The following EYS variants were observed in gnomAD, a reference collection of about 807,000 sequenced individuals.
The protein encoded by EYS is EGF-like photoreceptor maintenance factor.
In EYS, 250 loss-of-function variants were observed where a neutral mutation model predicts 282.1. The observed-to-expected ratio is 0.89, with a 90% confidence interval of 0.80 to 0.98. EYS has a LOEUF of 0.98. Among genes scored for constraint, EYS ranks in the 50% least tolerant of loss-of-function variants. The probability of loss-of-function intolerance (pLI) is 0.00; values close to 1 mark genes in which losing one functional copy is unlikely to be tolerated. For synonymous variants in EYS, 1,355 were observed against 1,282.9 expected, an observed-to-expected ratio of 1.06 and a Z score of -1.20; for missense variants, 4,016 against 3,709.0, an observed-to-expected ratio of 1.08 and a Z score of -2.15.
intron 30 of EYS, among the ~76,000 whole-genome samples, chr6:64,287,216 C>CA (rs1203210581): frequency 6.6e-6 from 1 of 151,716 alleles, no homozygotes; most frequent in East Asian, 1.9e-4. Flanking sequence ...CAATAACAGC[C>CA]AAAAAAGACA....
At chr6:64,594,936 C>T (rs998032737) in intron 24 of EYS, among the ~76,000 whole-genome samples, 15 of 151,950 alleles carry the variant, frequency 9.9e-5, no homozygotes, top group African/African-American at 3.6e-4. Context: ...GGAAATTCTT[C>T]CTTACTCATT....
In EYS at chr6:65,339,492, G is replaced by T. The variant is rs150442412; in HGVS notation, c.1600-4346C>A. 1.3e-4 allele frequency among the ~76,000 whole-genome samples: 20 copies of T among 151,176 alleles called. No homozygotes were observed. The East Asian group carries it at 3.3e-3, about 25-fold the overall frequency. On this transcript the variant is annotated intron_variant, in intron 10 of 42. Coordinates refer to ENST00000503581, the MANE Select transcript of EYS (RefSeq NM_001142800.2). ...AATTGTTATATTTTTATTAGTAATT[G>T]TTGTTAATCTCTTTTTGTGCCTGAT...
At position 64,393,764 on chromosome 6, in the gene EYS, G is replaced by A. The variant is rs926148488; in HGVS notation, c.5928-4924C>T. 2.0e-5 allele frequency among the ~76,000 whole-genome samples: 3 copies of A among 151,610 alleles called. No individual in the cohort carries two copies. The East Asian group carries it at 5.8e-4, about 29-fold the overall frequency. ...TCTCACCACTCCTATTCAACATAGTGTTGGAAGTTCTGGCCAGGGCAATTA... is the reference window on the plus strand; with the variant it reads ...TCTCACCACTCCTATTCAACATAGTATTGGAAGTTCTGGCCAGGGCAATTA... On this transcript the variant is annotated intron_variant, in intron 28 of 42. Coordinates refer to ENST00000503581, the MANE Select transcript of EYS (RefSeq NM_001142800.2).
At chr6:64,554,123 G>A (rs1765171681) in intron 26 of EYS, among the ~76,000 whole-genome samples, 1 of 152,014 alleles carries the variant, frequency 6.6e-6, no homozygotes, top group Non-Finnish European at 1.5e-5. Context: ...TATATTGAAA[G>A]GTGCTTAGTG....
In EYS at chr6:64,066,488, T is replaced by C. The variant is rs750904267; in HGVS notation, c.6575A>G (p.Asn2192Ser). Residue 2192 changes from asparagine to serine, a missense_variant, in exon 33 of 43, where the codon AAT (asparagine) becomes AGT (serine). By Grantham distance (46) the Asn-to-Ser change is conservative (BLOSUM62 1). Coordinates refer to ENST00000503581, the MANE Select transcript of EYS (RefSeq NM_001142800.2). The part of the protein sequence containing the change: ...NSLNGTILYS[N>S]GNNCGKQFLH... ...AAACTGCTTTCCACAATTATTCCCA[T>C]TACCTTTAAGAAAAAAAGAATATAT... is the stretch of plus-strand genomic sequence containing the variant. 17 of 1,524,210 alleles carry C rather than the reference T, an allele frequency of 1.1e-5. No homozygotes were observed. The East Asian group carries it at 4.2e-4, about 37-fold the overall frequency. The allele number at this position is 1,524,210 out of a possible 1,614,324, so 94.4% of individuals were successfully genotyped here.
chr6:64,169,312 G>T (rs1764401898), intron 31 of EYS, among the ~76,000 whole-genome samples: 1 of 152,138 alleles, frequency 6.6e-6, no homozygotes, highest in Non-Finnish European at 1.5e-5. Flanking sequence ...ACAGGAGGTA[G>T]CAGAAGGCCT....
chr6:64,030,944 C>T (rs1056826363), intron 33 of EYS, among the ~76,000 whole-genome samples: 15 of 152,334 alleles, frequency 9.8e-5, no homozygotes, highest in South Asian at 6.2e-4. Context: ...GAGCGGTCAT[C>T]GGCCAAATTC....
intron 22 of EYS, among the ~76,000 whole-genome samples, chr6:64,665,714 C>T (rs922488722): frequency 1.3e-5 from 2 of 152,090 alleles, no homozygotes; most frequent in Non-Finnish European, 2.9e-5. Flanking sequence ...TCCAAGACCC[C>T]CTCCCGCTTT....
Position 64,257,658 on chromosome 6 carries a change from A to G in EYS, c.6192-26834T>C, listed in dbSNP as rs76688533. 6.1e-3 allele frequency among the ~76,000 whole-genome samples: 932 copies of G among 152,124 alleles called. 7 individuals are homozygous for G. The highest frequency in any genetic ancestry group is 0.029 in the East Asian group (150 of 5,160). On this transcript the variant is annotated intron_variant, in intron 30 of 42. Coordinates refer to ENST00000503581, the MANE Select transcript of EYS (RefSeq NM_001142800.2). ...TTTAGTTCATTGGATGAAATTATGT[A>G]TACTATGTCCTTTCCCCAACACCAA...
At chr6:64,899,364 A>G in intron 18 of EYS, among the ~76,000 whole-genome samples, 1 of 151,978 alleles carries the variant, frequency 6.6e-6, no homozygotes, top group Middle Eastern at 3.2e-3. Context: ...TGGGTAAATA[A>G]CAAAATCAGG....
At chr6:65,442,468 G>T (rs897485985) in intron 5 of EYS, among the ~76,000 whole-genome samples, 3 of 151,774 alleles carry the variant, frequency 2.0e-5, no homozygotes, top group Non-Finnish European at 4.4e-5. Flanking sequence ...TTTTAAAAAT[G>T]AATAGGCCAG....
At chr6:63,881,707 G>C (rs868671194) in intron 35 of EYS, among the ~76,000 whole-genome samples, 28 of 151,928 alleles carry the variant, frequency 1.8e-4, no homozygotes, top group African/African-American at 6.5e-4. Flanking sequence ...TTAACCTTTA[G>C]CCTGAAAATG....
chr6:64,757,410 T>C (rs539237436), intron 22 of EYS, among the ~76,000 whole-genome samples: 33 of 152,004 alleles, frequency 2.2e-4, no homozygotes, highest in African/African-American at 7.5e-4. Flanking sequence ...GACTAAATAT[T>C]TTGTGGCAAA....
intron 29 of EYS, among the ~76,000 whole-genome samples, chr6:64,334,550 G>A (rs1770771772): frequency 6.6e-6 from 1 of 152,106 alleles, no homozygotes; most frequent in Non-Finnish European, 1.5e-5. Context: ...GGGTCATGAG[G>A]ATGCTGTACT....
intron 12 of EYS, among the ~76,000 whole-genome samples, chr6:65,064,463 A>G (rs916217549): frequency 2.1e-5 from 3 of 146,224 alleles, no homozygotes; most frequent in Non-Finnish European, 3.0e-5. Flanking sequence ...ATATGATATG[A>G]TATATAGTAT....
At chr6:63,863,928 C>T in intron 36 of EYS, among the ~76,000 whole-genome samples, 1 of 152,114 alleles carries the variant, frequency 6.6e-6, no homozygotes, top group African/African-American at 2.4e-5. Flanking sequence ...CCCGCCTCAG[C>T]GTCCCAAAGT....
chr6:65,494,588 T>C (rs1766166690), intron 4 of EYS, 75 bp downstream of exon 4: 1 of 1,359,434 alleles, frequency 7.4e-7, no homozygotes, highest in African/African-American at 1.5e-5. Flanking sequence ...AAATGTACTT[T>C]GATTTCTGTT....
chr6:63,863,886 G>T (rs1772607570), intron 36 of EYS, among the ~76,000 whole-genome samples: 1 of 151,896 alleles, frequency 6.6e-6, no homozygotes, highest in Non-Finnish European at 1.5e-5. Flanking sequence ...ATGTTGGTCA[G>T]GTGGGTCTCG....
chr6:63,888,207 G>A (rs769549655), intron 35 of EYS, among the ~76,000 whole-genome samples: 11 of 152,226 alleles, frequency 7.2e-5, no homozygotes, highest in East Asian at 1.9e-4. Context: ...AGCTGTGGGC[G>A]CAGCTTCAGC....
Sources: gnomAD v4.1 joint callset for allele counts (sites outside exome capture counted in the v4.1 genomes callset) on GRCh38, gnomAD v4.1.1 for gene constraint, MANE v1.5 for transcripts, NCBI Gene and HGNC (gene_info 2026-07-23, HGNC 2026-07-21) for gene names.